The following ATRNL1 variants were observed in gnomAD, a reference collection of about 807,000 sequenced individuals.
ATRNL1 encodes the protein attractin like 1, also known as attractin-like protein 1.
In ATRNL1, 95 loss-of-function variants were observed where a neutral mutation model predicts 182.7. That is an observed-to-expected ratio of 0.52 (90% CI 0.44 to 0.62). ATRNL1 has a LOEUF of 0.62. ATRNL1 is among the 20% of genes least tolerant of loss of function. The pLI is 0.00. For synonymous variants in ATRNL1, 576 were observed against 568.3 expected (o/e 1.01, Z -0.19); for missense variants, 1,471 against 1,679.5 (o/e 0.88, Z 2.17).
chr10:115,115,197 G>A (rs1415934584), intron 1 of ATRNL1, among the ~76,000 whole-genome samples: 3 of 152,098 alleles, frequency 2.0e-5, no homozygotes, highest in African/African-American at 7.2e-5. Context: ...TTGAAGTAGA[G>A]AGTAGAATGG....
intron 3 of ATRNL1, among the ~76,000 whole-genome samples, chr10:115,124,906 G>T (rs1278255943): frequency 6.6e-6 from 1 of 152,172 alleles, no homozygotes; most frequent in Non-Finnish European, 1.5e-5. Context: ...ACACAGCCTA[G>T]TTAGTGTTAC....
chr10:115,907,929 G>A (rs568712973), intron 28 of ATRNL1, among the ~76,000 whole-genome samples: 1 of 152,202 alleles, frequency 6.6e-6, no homozygotes, highest in South Asian at 2.1e-4. Context: ...ATAAGGCAAA[G>A]AAGAAAGCAT....
At chr10:115,884,234 G>T (rs1352542943) in intron 28 of ATRNL1, among the ~76,000 whole-genome samples, 2 of 152,154 alleles carry the variant, frequency 1.3e-5, no homozygotes, top group African/African-American at 4.8e-5. Context: ...TGGCTATGAA[G>T]CCCTTATAAA....
chr10:115,875,973 A>G (rs1475109648), intron 28 of ATRNL1, among the ~76,000 whole-genome samples: 1 of 152,218 alleles, frequency 6.6e-6, no homozygotes, highest in Non-Finnish European at 1.5e-5. Flanking sequence ...ATGAGTGTCA[A>G]GGACACTGAA....
chr10:115,163,494 G>C (rs577212440), intron 6 of ATRNL1, among the ~76,000 whole-genome samples: 1 of 152,038 alleles, frequency 6.6e-6, no homozygotes, highest in South Asian at 2.1e-4. Flanking sequence ...CTCCTGAGTA[G>C]CTGGGATTAT....
intron 24 of ATRNL1, among the ~76,000 whole-genome samples, chr10:115,508,152 G>A (rs1850209411): frequency 6.6e-6 from 1 of 151,644 alleles, no homozygotes. Flanking sequence ...ATAGATTATG[G>A]CAATTTGTGA....
At chr10:115,486,228 T>C (rs982797670) in intron 24 of ATRNL1, among the ~76,000 whole-genome samples, 5 of 152,108 alleles carry the variant, frequency 3.3e-5, no homozygotes, top group Non-Finnish European at 5.9e-5. Flanking sequence ...GTCTCTATAA[T>C]AGAATGATTT....
chr10:115,738,567 T>C (rs1041555776), intron 27 of ATRNL1, among the ~76,000 whole-genome samples: 3 of 152,148 alleles, frequency 2.0e-5, no homozygotes, highest in Admixed American at 6.5e-5. Context: ...ATCTTTATGT[T>C]AAAATTATAA....
chr10:115,868,200 T>C (rs1370849614), intron 28 of ATRNL1, among the ~76,000 whole-genome samples: 2 of 152,214 alleles, frequency 1.3e-5, no homozygotes, highest in Non-Finnish European at 2.9e-5. Flanking sequence ...GAGAAGACTC[T>C]GGGAGTTACA....
intron 24 of ATRNL1, among the ~76,000 whole-genome samples, chr10:115,504,492 T>C (rs545151716): frequency 1.3e-5 from 2 of 152,170 alleles, no homozygotes; most frequent in East Asian, 3.9e-4. Context: ...ATTAAACTCA[T>C]GTTAATGTCT....
In ATRNL1 at chr10:115,559,414, T is replaced by TTGTGTGTGTGTGTGTGTG. The variant is rs138709567; in HGVS notation, c.3795+9891_3795+9908dup. 2.6e-3 allele frequency among the ~76,000 whole-genome samples: 386 copies of TTGTGTGTGTGTGTGTGTG among 147,628 alleles called. 4 individuals carry two copies. In the East Asian group the frequency reaches 0.035, roughly 13 times the overall value. On this transcript the variant is annotated intron_variant, in intron 26 of 28. Transcript: ENST00000355044. ...CCTGACATACTCTCATTCTTGGTGT[T>TTGTGTGTGTGTGTGTGTG]TGTGTGTGTGTGTGTGTGTGTGTGT...
chr10:115,858,820 A>G (rs1376429504), intron 28 of ATRNL1, among the ~76,000 whole-genome samples: 1 of 152,176 alleles, frequency 6.6e-6, no homozygotes, highest in Non-Finnish European at 1.5e-5. Flanking sequence ...TATGAATTAA[A>G]TAGTCCTACT....
chr10:115,537,741 C>A lies in ATRNL1; in HGVS notation c.3717-11717C>A, dbSNP rs1339889243. Among the ~76,000 whole-genome samples, 3 of 151,782 alleles carry A rather than the reference C, an allele frequency of 2.0e-5. No homozygotes were observed. In the East Asian group the frequency reaches 5.8e-4, roughly 29 times the overall value. On this transcript the variant is annotated intron_variant, in intron 25 of 28. Coordinates refer to ENST00000355044, the MANE Select transcript of ATRNL1 (RefSeq NM_207303.4). The stretch of plus-strand genomic sequence containing the variant: ...TTCTGTTGGAAGCATTTTAAAATTT[C>A]TGTGCAGTAAAATTCCTTTTGCGGG...
chr10:115,105,479 G>A (rs967492871), intron 1 of ATRNL1, among the ~76,000 whole-genome samples: 1 of 152,212 alleles, frequency 6.6e-6, no homozygotes, highest in Non-Finnish European at 1.5e-5. Flanking sequence ...CATGAGTAAC[G>A]AGAAGCCAAA....
chr10:115,177,152 G>T (rs1554886886), intron 8 of ATRNL1, among the ~76,000 whole-genome samples: 1 of 152,154 alleles, frequency 6.6e-6, no homozygotes, highest in Non-Finnish European at 1.5e-5. Flanking sequence ...AATCAACGGA[G>T]CCACATTCTG....
At chr10:115,781,315 A>G (rs1555079262) in intron 27 of ATRNL1, among the ~76,000 whole-genome samples, 1 of 152,228 alleles carries the variant, frequency 6.6e-6, no homozygotes, top group Non-Finnish European at 1.5e-5. Flanking sequence ...AAAGCTAAAC[A>G]TATACATACT....
intron 26 of ATRNL1, among the ~76,000 whole-genome samples, chr10:115,558,008 G>T (rs1853419269): frequency 6.6e-6 from 1 of 150,484 alleles, no homozygotes; most frequent in South Asian, 2.1e-4. Flanking sequence ...TCCTGCCACT[G>T]CACTCCAGCC....
At chr10:115,784,168 G>A (rs573059112) in intron 27 of ATRNL1, among the ~76,000 whole-genome samples, 1 of 152,290 alleles carries the variant, frequency 6.6e-6, no homozygotes, top group East Asian at 1.9e-4. Context: ...GCCTTATAGA[G>A]TGTTGTAAAA....
At chr10:115,560,069 T>C (rs751214469) in intron 26 of ATRNL1, among the ~76,000 whole-genome samples, 45 of 152,320 alleles carry the variant, frequency 3.0e-4, no homozygotes, top group South Asian at 1.2e-3. Context: ...TAAAAATCAG[T>C]TGTATTTCTA....
Sources: gnomAD v4.1 joint callset for allele counts (sites outside exome capture counted in the v4.1 genomes callset) on GRCh38, gnomAD v4.1.1 for gene constraint, MANE v1.5 for transcripts, NCBI Gene and HGNC (gene_info 2026-07-23, HGNC 2026-07-21) for gene names.